OPCML: variants seen among roughly 807,000 people sequenced by gnomAD.
OPCML encodes opioid binding protein/cell adhesion molecule like, also known as opioid-binding protein/cell adhesion molecule.
In OPCML, 13 loss-of-function variants were observed where a neutral mutation model predicts 37.8. That is an observed-to-expected ratio of 0.34 (90% confidence interval 0.22 to 0.55). The LOEUF (loss-of-function observed/expected upper bound fraction) is 0.55, where lower values mean the gene tolerates loss of function less well. Ranked by LOEUF, OPCML falls within the 20% of genes least tolerant of loss-of-function variation. The pLI, the probability that OPCML is intolerant of heterozygous loss-of-function variation, is 0.91. For synonymous variants in OPCML, 176 were observed against 168.8 expected (o/e 1.04, Z -0.33); for missense variants, 341 against 435.6 (o/e 0.78, Z 1.93).
At chr11:132,908,741 A>C (rs1321428214) in intron 2 of OPCML, among the ~76,000 whole-genome samples, 1 of 152,266 alleles carries the variant, frequency 6.6e-6, no homozygotes, top group Non-Finnish European at 1.5e-5. Context: ...ATTGATTTGT[A>C]CATGCCATAA....
chr11:133,156,500 C>T (rs1950064594), intron 1 of OPCML, among the ~76,000 whole-genome samples: 1 of 152,212 alleles, frequency 6.6e-6, no homozygotes. Context: ...TTCCAGTCAT[C>T]TCTATTTGCT....
At chr11:133,501,091 C>T (rs1947901605) in intron 1 of OPCML, among the ~76,000 whole-genome samples, 1 of 152,100 alleles carries the variant, frequency 6.6e-6, no homozygotes, top group South Asian at 2.1e-4. Context: ...TGGGGAGCTC[C>T]AATCTCCCCC....
intron 1 of OPCML, among the ~76,000 whole-genome samples, chr11:133,125,865 GTATA>G (rs1248894926): frequency 7.0e-6 from 1 of 143,020 alleles, no homozygotes; most frequent in African/African-American, 2.6e-5. Flanking sequence ...ATATACACAT[GTATA>G]TATAGACACA....
In OPCML at chr11:133,205,684, A is replaced by G. The variant is rs1046175036; in HGVS notation, c.62-262674T>C. On this transcript the variant is annotated intron_variant, in intron 1 of 7. Coordinates refer to ENST00000524381, the MANE Select transcript of OPCML (RefSeq NM_001012393.5). The surrounding 1 kb of genome is among the most constrained non-coding windows in gnomAD (Gnocchi z 4.8). ...TCAGAAGTGTTGCGTTGCGTGAGACAAGAGAGTAGGAAAAACATTTAGTAT... is the reference window on the plus strand; with the variant it reads ...TCAGAAGTGTTGCGTTGCGTGAGACGAGAGAGTAGGAAAAACATTTAGTAT... 7.2e-5 allele frequency among the ~76,000 whole-genome samples: 11 copies of G among 152,250 alleles called. No homozygotes were observed. The highest frequency in any genetic ancestry group is 2.7e-4 in the African/African-American group (11 of 41,472).
At chr11:132,821,928 T>A (rs966359773) in intron 2 of OPCML, among the ~76,000 whole-genome samples, 32 of 152,208 alleles carry the variant, frequency 2.1e-4, no homozygotes, top group African/African-American at 7.2e-4. Flanking sequence ...GGGAAGAAAT[T>A]AATGGTAATT....
chr11:132,787,009 T>G (rs1947236483), intron 2 of OPCML, among the ~76,000 whole-genome samples: 1 of 152,132 alleles, frequency 6.6e-6, no homozygotes, highest in Admixed American at 6.5e-5. Context: ...AGAAGGCCTG[T>G]CAAACACAGA....
At chr11:133,108,176 C>G (rs1592008132) in intron 1 of OPCML, among the ~76,000 whole-genome samples, 1 of 152,104 alleles carries the variant, frequency 6.6e-6, no homozygotes, top group East Asian at 1.9e-4. Context: ...ATTTTAGAAA[C>G]AAGGCTGGCT....
intron 2 of OPCML, among the ~76,000 whole-genome samples, chr11:132,673,165 G>T (rs1056868117): frequency 6.6e-6 from 1 of 152,172 alleles, no homozygotes. Flanking sequence ...ATTCACTGAT[G>T]AGTGGTATCG....
chr11:133,023,644 C>A (rs1947495158), intron 1 of OPCML, among the ~76,000 whole-genome samples: 1 of 152,114 alleles, frequency 6.6e-6, no homozygotes, highest in East Asian at 1.9e-4. Context: ...TCAATATTAG[C>A]CATCACTGCC....
At chr11:133,368,317 G>A (rs541065001) in intron 1 of OPCML, among the ~76,000 whole-genome samples, 1 of 151,096 alleles carries the variant, frequency 6.6e-6, no homozygotes, top group African/African-American at 2.5e-5. Flanking sequence ...AAGAGAAAGA[G>A]GTGAGGGAGA....
chr11:133,422,232 C>T, intron 1 of OPCML: 1 of 984,680 alleles, frequency 1.0e-6, no homozygotes, highest in South Asian at 4.7e-5. Context: ...ACCTGAGAGC[C>T]CCTGTACCAG....
chr11:133,342,226 G>C (rs1365404970), intron 1 of OPCML, among the ~76,000 whole-genome samples: 1 of 152,084 alleles, frequency 6.6e-6, no homozygotes, highest in Non-Finnish European at 1.5e-5. Flanking sequence ...GACTCCCAGG[G>C]GGAAGAGAAC....
At chr11:133,199,915 G>T (rs902033174) in intron 1 of OPCML, among the ~76,000 whole-genome samples, 1 of 152,152 alleles carries the variant, frequency 6.6e-6, no homozygotes, top group Admixed American at 6.5e-5. Context: ...GCTCAAATAT[G>T]TTTATGAAAT....
At position 133,454,055 on chromosome 11, in the gene OPCML, C is replaced by T. The variant is rs111348607; in HGVS notation, c.61+78209G>A. Among the ~76,000 whole-genome samples, 837 of 152,220 alleles carry T rather than the reference C, an allele frequency of 5.5e-3. 1 individual carries two copies. In the Middle Eastern group the frequency reaches 0.068, roughly 12 times the overall value. ...AGGCCATCTGATCCAACTGCATTCC[C>T]GAAACAGGAATCCTGATAGTCGGCG... On this transcript the variant is annotated intron_variant, in intron 1 of 7. Transcript: ENST00000524381.
intron 1 of OPCML, among the ~76,000 whole-genome samples, chr11:133,336,186 C>T (rs1342381308): frequency 6.6e-6 from 1 of 152,152 alleles, no homozygotes; most frequent in East Asian, 1.9e-4. Context: ...TCACAGCGTG[C>T]AGGACAAGAA....
chr11:133,471,473 T>G (rs572925496), intron 1 of OPCML, among the ~76,000 whole-genome samples: 1 of 152,172 alleles, frequency 6.6e-6, no homozygotes, highest in Non-Finnish European at 1.5e-5. Flanking sequence ...TGTATATGCA[T>G]ATAAGATTTT....
chr11:133,195,971 T>C lies in OPCML; in HGVS notation c.62-252961A>G, dbSNP rs150805019. On this transcript the variant is annotated intron_variant, in intron 1 of 7. Coordinates refer to ENST00000524381, the MANE Select transcript of OPCML (RefSeq NM_001012393.5). ...AGCAATTCCAAATGCTTCCTTGAGC[T>C]TAAGGGCTCAGAGAATATAAATTTA... is the stretch of plus-strand genomic sequence containing the variant. Among the ~76,000 whole-genome samples, 5 of 152,364 alleles carry C rather than the reference T, an allele frequency of 3.3e-5. No homozygotes were observed. In the East Asian group the frequency reaches 7.7e-4, roughly 24 times the overall value.
intron 1 of OPCML, among the ~76,000 whole-genome samples, chr11:133,415,241 CTACAAAAAAA>C (rs1354205808): frequency 1.3e-5 from 2 of 151,908 alleles, no homozygotes; most frequent in Non-Finnish European, 2.9e-5. Flanking sequence ...AACCCAGTCT[CTACAAAAAAA>C]TACAAAAAAT....
At position 133,205,931 on chromosome 11, in the gene OPCML, G is replaced by C. The variant is rs1461270981; in HGVS notation, c.62-262921C>G. The stretch of plus-strand genomic sequence containing the variant: ...GTTCACAATCTGTCTCCAAATCCCA[G>C]ACAGCTCTGTAATCTTGCACAAGTT... On this transcript the variant is annotated intron_variant, in intron 1 of 7. Coordinates refer to ENST00000524381, the MANE Select transcript of OPCML (RefSeq NM_001012393.5). The surrounding 1 kb of genome is among the most constrained non-coding windows in gnomAD (Gnocchi z 4.8). Among the ~76,000 whole-genome samples the C allele has an allele frequency of 2.0e-5, 3 of 152,148 alleles. No individual in the cohort carries two copies. Among genetic ancestry groups the C allele is most frequent in the Admixed American group, 2.0e-4 (3 of 15,286 alleles).
Sources: gnomAD v4.1 joint callset for allele counts (sites outside exome capture counted in the v4.1 genomes callset) on GRCh38, gnomAD v4.1.1 for gene constraint, Gnocchi (gnomAD v3.1) non-coding constraint, MANE v1.5 for transcripts, NCBI Gene and HGNC (gene_info 2026-07-23, HGNC 2026-07-21) for gene names.